AKAP13: variants seen among roughly 807,000 people sequenced by gnomAD.
AKAP13 encodes A-kinase anchoring protein 13, also known as A-kinase anchor protein 13.
In AKAP13, 80 loss-of-function variants were observed where a neutral mutation model predicts 264.5. The observed-to-expected ratio is 0.30, with a 90% CI of 0.25 to 0.36. The LOEUF is 0.36. Ranked by LOEUF, AKAP13 falls within the 10% of genes least tolerant of loss-of-function variation. The pLI, the probability that AKAP13 is intolerant of heterozygous loss-of-function variation, is 1.00. For missense variants in AKAP13, 3,712 were observed against 3,435.2 expected, an observed-to-expected ratio of 1.08 and a Z score of -2.01; for synonymous variants, 1,380 against 1,250.2, an observed-to-expected ratio of 1.10 and a Z score of -2.19.
At chr15:85,499,550 G>C (rs2075983782) in intron 2 of AKAP13, among the ~76,000 whole-genome samples, 1 of 152,174 alleles carries the variant, frequency 6.6e-6, no homozygotes, top group Admixed American at 6.6e-5. Flanking sequence ...CCCGTGCTGA[G>C]TCATTGGTAC....
intron 1 of AKAP13, among the ~76,000 whole-genome samples, chr15:85,416,493 C>T (rs1477227566): frequency 6.6e-6 from 1 of 152,150 alleles, no homozygotes; most frequent in Non-Finnish European, 1.5e-5. Flanking sequence ...GCACTAATTC[C>T]CGTGGACATG....
At chr15:85,665,493 T>C (rs1396786378) in intron 13 of AKAP13, among the ~76,000 whole-genome samples, 1 of 152,340 alleles carries the variant, frequency 6.6e-6, no homozygotes, top group East Asian at 1.9e-4. Flanking sequence ...CAGTTGATTC[T>C]CTCTCCTTCC....
At chr15:85,555,319 G>T in intron 5 of AKAP13, 1 of 692,516 alleles carries the variant, frequency 1.4e-6, no homozygotes, top group Non-Finnish European at 2.2e-6. Context: ...TATTGCAATA[G>T]CCCTCAGAAA....
intron 1 of AKAP13, among the ~76,000 whole-genome samples, chr15:85,394,850 G>C (rs2071037107): frequency 6.6e-6 from 1 of 152,174 alleles, no homozygotes; most frequent in East Asian, 1.9e-4. Flanking sequence ...ATAAAACTTA[G>C]ACTCTTGGAC....
chr15:85,407,679 C>A (rs1328158060), intron 1 of AKAP13, among the ~76,000 whole-genome samples: 1 of 151,742 alleles, frequency 6.6e-6, no homozygotes, highest in Non-Finnish European at 1.5e-5. Flanking sequence ...ACTCAGTGAG[C>A]AGTGAGGTGT....
chr15:85,380,914 C>T (rs1017658733), intron 1 of AKAP13, 116 bp downstream of exon 1: 1 of 71,416 alleles, frequency 1.4e-5, no homozygotes, highest in Non-Finnish European at 3.0e-5. Context: ...GGAGGAGGGG[C>T]GGGGGCTGCG....
chr15:85,556,094 G>C (rs2078134635), intron 5 of AKAP13, among the ~76,000 whole-genome samples: 1 of 152,200 alleles, frequency 6.6e-6, no homozygotes, highest in Non-Finnish European at 1.5e-5. Flanking sequence ...TCTGAGTACA[G>C]ATTGTGGCCG....
chr15:85,609,621 T>C lies in AKAP13; in HGVS notation c.4161+23798T>C, dbSNP rs34535413. On this transcript the variant is annotated intron_variant, in intron 8 of 36. Transcript: ENST00000394518. ...TGTCCTTTGGATATATACCCAGTAG[T>C]GGGATTCCTAGATCATACGGTGGTT... 1.5e-3 allele frequency among the ~76,000 whole-genome samples: 232 copies of C among 152,338 alleles called. 2 individuals carry two copies. Among genetic ancestry groups the C allele is most frequent in the Non-Finnish European group, 2.6e-3 (178 of 68,016 alleles).
At chr15:85,492,288 A>T (rs1351312359) in intron 2 of AKAP13, among the ~76,000 whole-genome samples, 1 of 152,236 alleles carries the variant, frequency 6.6e-6, no homozygotes, top group East Asian at 1.9e-4. Context: ...AGGCCAAGGC[A>T]GGAGGATCGC....
At chr15:85,531,610 TTC>T (rs1229936083) in intron 3 of AKAP13, among the ~76,000 whole-genome samples, 4 of 152,230 alleles carry the variant, frequency 2.6e-5, no homozygotes, top group African/African-American at 9.6e-5. Context: ...TTTCCCCTAA[TTC>T]TCTTTCATAT....
chr15:85,610,102 G>C (rs905982758), intron 8 of AKAP13, among the ~76,000 whole-genome samples: 2 of 152,184 alleles, frequency 1.3e-5, no homozygotes, highest in African/African-American at 2.4e-5. Flanking sequence ...AATGGGTAAA[G>C]AAATTTGGCT....
At chr15:85,714,811 A>T (rs1054553039) in intron 19 of AKAP13, among the ~76,000 whole-genome samples, 1 of 152,150 alleles carries the variant, frequency 6.6e-6, no homozygotes, top group African/African-American at 2.4e-5. Flanking sequence ...TATTAAAAAT[A>T]CAAAAATTAG....
chr15:85,743,446 A>G, intron 35 of AKAP13, 46 bp from the exon 36 acceptor site: 2 of 1,580,274 alleles, frequency 1.3e-6, no homozygotes, highest in Non-Finnish European at 1.7e-6. Flanking sequence ...GGCATCACGG[A>G]CGCTGACAGC....
At position 85,408,159 on chromosome 15, in the gene AKAP13, G is replaced by T. The variant is rs1233479622; in HGVS notation, c.-12+27361G>T. On this transcript the variant is annotated intron_variant, in intron 1 of 36. Coordinates refer to ENST00000394518, the MANE Select transcript of AKAP13 (RefSeq NM_007200.5). ...CTGGAAGTGGTAATGTTTACATTTG[G>T]CTTAGATTACCTCATTCAAAGTGGT... Among the ~76,000 whole-genome samples, 3 of 151,564 alleles carry T rather than the reference G, an allele frequency of 2.0e-5. No individual in the cohort carries two copies. In the East Asian group the frequency reaches 5.8e-4, roughly 29 times the overall value.
chr15:85,628,557 T>C (rs2081540073), intron 8 of AKAP13, among the ~76,000 whole-genome samples: 1 of 152,230 alleles, frequency 6.6e-6, no homozygotes, highest in Non-Finnish European at 1.5e-5. Context: ...CTGCTTGAGC[T>C]TCTTGTGTTC....
chr15:85,662,703 A>T (rs750707828), intron 12 of AKAP13, among the ~76,000 whole-genome samples: 3 of 152,188 alleles, frequency 2.0e-5, no homozygotes, highest in Admixed American at 6.5e-5. Flanking sequence ...GCACAGATTT[A>T]TCTCTCTCTG....
chr15:85,405,604 G>C (rs1326452988), intron 1 of AKAP13, among the ~76,000 whole-genome samples: 1 of 152,162 alleles, frequency 6.6e-6, no homozygotes, highest in Non-Finnish European at 1.5e-5. Flanking sequence ...CTGTGTTTTA[G>C]TTACAGAAAT....
chr15:85,553,518 T>G (rs184999301), intron 5 of AKAP13, among the ~76,000 whole-genome samples: 2 of 152,356 alleles, frequency 1.3e-5, no homozygotes. Context: ...GTCAAACTAT[T>G]TATCCATTTG....
At chr15:85,482,424 G>A (rs540452124) in intron 1 of AKAP13, among the ~76,000 whole-genome samples, 4 of 152,188 alleles carry the variant, frequency 2.6e-5, no homozygotes, top group East Asian at 1.9e-4. Flanking sequence ...AGGGATTTTT[G>A]TCTGTTCCTT....
Sources: allele counts gnomAD v4.1 joint callset (sites outside exome capture counted in the v4.1 genomes callset), GRCh38; gene constraint gnomAD v4.1.1; transcripts MANE v1.5; gene names NCBI Gene and HGNC (gene_info 2026-07-23, HGNC 2026-07-21).